The following CARMIL1 variants were observed in gnomAD, a reference collection of about 807,000 sequenced individuals.
CARMIL1 encodes capping protein regulator and myosin 1 linker 1.
A neutral mutation model predicts 177.1 loss-of-function variants in CARMIL1; 90 were observed. The ratio of observed to expected loss-of-function variants is 0.51; its 90% CI spans 0.43 to 0.61. CARMIL1 has a LOEUF of 0.61. Among genes scored for constraint, CARMIL1 ranks in the 20% least tolerant of loss-of-function variants. The pLI is 0.00. For missense variants in CARMIL1, 1,380 were observed against 1,667.0 expected (o/e 0.83, Z 3.00); for synonymous variants, 577 against 606.2 (o/e 0.95, Z 0.71).
chr6:25,445,982 C>T (rs1177873269), intron 5 of CARMIL1, among the ~76,000 whole-genome samples: 1 of 152,170 alleles, frequency 6.6e-6, no homozygotes, highest in Admixed American at 6.5e-5. Context: ...TGACAGGAAT[C>T]TCTTTTTCTG....
intron 4 of CARMIL1, among the ~76,000 whole-genome samples, chr6:25,430,508 C>G (rs534560929): frequency 4.0e-5 from 6 of 151,300 alleles, no homozygotes; most frequent in Admixed American, 2.0e-4. Flanking sequence ...CAGCTCATGG[C>G]AACCTTCGCT....
At chr6:25,475,721 ATTGT>A (rs1801511987) in intron 11 of CARMIL1, among the ~76,000 whole-genome samples, 2 of 152,336 alleles carry the variant, frequency 1.3e-5, no homozygotes, top group East Asian at 1.9e-4. Flanking sequence ...AACACCACAC[ATTGT>A]TTGGGGAGAT....
chr6:25,543,170 C>T (rs1809087309), intron 26 of CARMIL1, among the ~76,000 whole-genome samples: 1 of 152,124 alleles, frequency 6.6e-6, no homozygotes, highest in Admixed American at 6.6e-5. Flanking sequence ...TTTCCTTCTG[C>T]AAGATTATCT....
rs778389709 is a variant in CARMIL1 at position 25,581,288 on chromosome 6, A to T, written c.2855A>T (p.His952Leu). 17 of 1,613,840 alleles carry T rather than the reference A, an allele frequency of 1.1e-5. No individual in the cohort carries two copies. The South Asian group carries it at 1.4e-4, about 14-fold the overall frequency. The change falls in exon 31 of 37, where the codon CAC (histidine) becomes CTC (leucine). Residue 952 changes from histidine (H) to leucine (L), a missense_variant. Transcript: ENST00000329474. ...LDKALEEVPIHIEDPPFPSLR... is the reference protein window; with the variant it reads ...LDKALEEVPILIEDPPFPSLR... Reference sequence around the variant, plus strand: ...AAAGCGCTGGAAGAGGTACCAATTCACATCGAAGACCCGCCCTTCCCATCC... The same window carrying T: ...AAAGCGCTGGAAGAGGTACCAATTCTCATCGAAGACCCGCCCTTCCCATCC...
chr6:25,564,735 G>T (rs1463944756), intron 29 of CARMIL1, among the ~76,000 whole-genome samples: 1 of 152,038 alleles, frequency 6.6e-6, no homozygotes, highest in African/African-American at 2.4e-5. Context: ...GTATTAAGCT[G>T]TAATTCTGGC....
intron 8 of CARMIL1, among the ~76,000 whole-genome samples, chr6:25,465,264 C>T (rs1800498650): frequency 6.6e-6 from 1 of 152,012 alleles, no homozygotes; most frequent in Non-Finnish European, 1.5e-5. Flanking sequence ...GTGTCTTATG[C>T]CTGTAATCTC....
intron 26 of CARMIL1, among the ~76,000 whole-genome samples, chr6:25,547,416 G>A (rs1809612018): frequency 6.6e-6 from 1 of 152,048 alleles, no homozygotes; most frequent in African/African-American, 2.4e-5. Flanking sequence ...TAAGACTTAG[G>A]ATAATTAGGA....
chr6:25,493,881 A>C (rs942346377), intron 15 of CARMIL1, among the ~76,000 whole-genome samples: 1 of 152,190 alleles, frequency 6.6e-6, no homozygotes, highest in Non-Finnish European at 1.5e-5. Context: ...TTGTTCCACT[A>C]TATGGAAACA....
intron 1 of CARMIL1, among the ~76,000 whole-genome samples, chr6:25,284,408 A>C (rs1781373584): frequency 6.6e-6 from 1 of 152,220 alleles, no homozygotes. Flanking sequence ...ACTTGTTAAA[A>C]CAAGTAAAAA....
intron 8 of CARMIL1, among the ~76,000 whole-genome samples, chr6:25,461,765 T>G (rs1800137918): frequency 6.6e-6 from 1 of 152,232 alleles, no homozygotes; most frequent in Non-Finnish European, 1.5e-5. Context: ...TTTTCCCCAT[T>G]GAGTGTATCA....
At chr6:25,538,584 A>G (rs1808551537) in intron 25 of CARMIL1, among the ~76,000 whole-genome samples, 1 of 152,224 alleles carries the variant, frequency 6.6e-6, no homozygotes, top group Non-Finnish European at 1.5e-5. Flanking sequence ...TAGGGATGAT[A>G]GAAGCATCTT....
intron 33 of CARMIL1, among the ~76,000 whole-genome samples, chr6:25,602,632 C>T (rs1815540190): frequency 6.6e-6 from 1 of 152,136 alleles, no homozygotes; most frequent in South Asian, 2.1e-4. Context: ...AAAATTCAGA[C>T]CAGTCATGGG....
chr6:25,363,427 C>A (rs1406454787), intron 2 of CARMIL1, among the ~76,000 whole-genome samples: 3 of 151,976 alleles, frequency 2.0e-5, no homozygotes, highest in Admixed American at 1.3e-4. Context: ...TTAGAGGGCT[C>A]TTTTATTTTG....
At chr6:25,495,269 G>C (rs1027543566) in intron 16 of CARMIL1, 54 bp downstream of exon 16, 1 of 1,240,698 alleles carries the variant, frequency 8.1e-7, no homozygotes, top group Non-Finnish European at 1.1e-6. Context: ...TTATTTTTAC[G>C]AATGTGCTTG....
intron 12 of CARMIL1, among the ~76,000 whole-genome samples, chr6:25,483,523 G>GCACCAC (rs940840822): frequency 2.0e-5 from 3 of 151,464 alleles, no homozygotes; most frequent in African/African-American, 4.9e-5. Flanking sequence ...ACCAGTACCG[G>GCACCAC]CACCACCACC....
chr6:25,385,635 G>A (rs1025288756), intron 2 of CARMIL1, among the ~76,000 whole-genome samples: 2 of 152,068 alleles, frequency 1.3e-5, no homozygotes, highest in African/African-American at 2.4e-5. Flanking sequence ...CACAGTGTTC[G>A]CTTTGATCAT....
chr6:25,471,582 G>A (rs951052319), intron 10 of CARMIL1, among the ~76,000 whole-genome samples: 3 of 151,994 alleles, frequency 2.0e-5, no homozygotes, highest in South Asian at 2.1e-4. Flanking sequence ...TCTTAAAATG[G>A]GGATAATAAT....
chr6:25,605,898 T>C (rs1815914366), intron 34 of CARMIL1, among the ~76,000 whole-genome samples, 163 bp from the exon 35 acceptor site: 1 of 152,226 alleles, frequency 6.6e-6, no homozygotes, highest in Admixed American at 6.5e-5. Context: ...TCCAGCATGT[T>C]TTGATTTTAA....
chr6:25,346,508 G>A lies in CARMIL1; in HGVS notation c.138+61599G>A, dbSNP rs78425874. On this transcript the variant is annotated intron_variant, in intron 2 of 36. Transcript: ENST00000329474. Reference sequence around the variant, plus strand: ...TTCCACACCCCTCCTGACACTTTCTGTCTCCTTTGCCTAATTTATTATTCT... The same window carrying A: ...TTCCACACCCCTCCTGACACTTTCTATCTCCTTTGCCTAATTTATTATTCT... Among the ~76,000 whole-genome samples the A allele has an allele frequency of 2.2e-4, 33 of 152,244 alleles. 1 individual carries two copies. The East Asian group carries it at 6.4e-3, about 29-fold the overall frequency.
Sources: allele counts gnomAD v4.1 joint callset (sites outside exome capture counted in the v4.1 genomes callset), GRCh38; gene constraint gnomAD v4.1.1; transcripts MANE v1.5; gene names NCBI Gene and HGNC (gene_info 2026-07-23, HGNC 2026-07-21).